MUC20: variants seen among roughly 807,000 people sequenced by gnomAD.
MUC20 encodes the protein mucin 20, cell surface associated, also known as mucin-20.
A neutral mutation model predicts 23.8 loss-of-function variants in MUC20; 14 were observed. That is an observed-to-expected ratio of 0.59 (90% confidence interval 0.39 to 0.92). The LOEUF (loss-of-function observed/expected upper bound fraction) is 0.92, where lower values mean the gene tolerates loss of function less well. MUC20 is among the 40% of genes least tolerant of loss of function. MUC20 has a pLI of 0.00. For missense variants in MUC20, 375 were observed against 668.8 expected, an observed-to-expected ratio of 0.56 and a Z score of 4.85; for synonymous variants, 166 against 279.3, an observed-to-expected ratio of 0.59 and a Z score of 4.04.
Position 195,724,154 on chromosome 3 carries a change from C to T in MUC20, c.77-526C>T, listed in dbSNP as rs1346559841. On this transcript the variant is annotated intron_variant, in intron 1 of 3. Transcript: ENST00000447234. Reference sequence around the variant, plus strand: ...TCTGCCGGCTCCCTCGCTTTGGCAGCAGCACTGCCCACCCTGTCTCTGGAG... The same window carrying T: ...TCTGCCGGCTCCCTCGCTTTGGCAGTAGCACTGCCCACCCTGTCTCTGGAG... 3 of 44,528 alleles carry T rather than the reference C, an allele frequency of 6.7e-5. 1 individual carries two copies. The highest frequency in any genetic ancestry group is 1.3e-4 in the Non-Finnish European group (3 of 23,016). 2.8% of individuals were successfully genotyped at this position (44,528 alleles called of 1,614,324 possible). A position where few individuals can be genotyped will look rare whatever the true frequency, so the allele number is the denominator to read the frequency against.
chr3:195,725,982 C>T lies in MUC20; in HGVS notation c.1379C>T (p.Ala460Val), dbSNP rs758995019. The T allele has an allele frequency of 5.0e-6, 8 of 1,613,854 alleles. No homozygotes were observed. Among genetic ancestry groups the T allele is most frequent in the Non-Finnish European group, 5.9e-6 (7 of 1,179,860 alleles). The change falls in exon 2 of 4, where the codon GCT becomes GTT. Residue 460 changes from alanine (A) to valine (V), a missense_variant. Coordinates refer to ENST00000447234, the MANE Select transcript of MUC20 (RefSeq NM_001282506.2). ...VKASSTSDPP[A>V]LPDSTEAKPH... ...GCCTCGTCCACCTCCGATCCACCAG[C>T]TCTGCCTGACTCCACTGAAGCAAAA... is the stretch of plus-strand genomic sequence containing the variant.
chr3:195,730,508 A>G (rs1414246683), intron 3 of MUC20, among the ~76,000 whole-genome samples: 11 of 149,620 alleles, frequency 7.4e-5, no homozygotes, highest in Middle Eastern at 3.5e-3. Flanking sequence ...ACCACGCCCA[A>G]CTAATTTTTA....
At chr3:195,722,149 T>G (rs28564900) in intron 1 of MUC20, 1 of 609,608 alleles carries the variant, frequency 1.6e-6, no homozygotes, top group African/African-American at 2.2e-5. Context: ...CCTACTTTGA[T>G]GCATCATTAT....
chr3:195,730,590 T>C (rs1006563048), intron 3 of MUC20, among the ~76,000 whole-genome samples: 5 of 152,148 alleles, frequency 3.3e-5, no homozygotes, highest in Non-Finnish European at 7.3e-5. Context: ...GACCTCGTGA[T>C]CCACCCGTCT....
At chr3:195,732,982 A>G (rs1380679307) in intron 3 of MUC20, among the ~76,000 whole-genome samples, 168 bp from the exon 4 acceptor site, 1 of 152,240 alleles carries the variant, frequency 6.6e-6, no homozygotes, top group African/African-American at 2.4e-5. Context: ...TGAGGTTTAG[A>G]TGACATAATG....
chr3:195,729,749 C>T lies in MUC20; in HGVS notation c.2061+10C>T, dbSNP rs1195091778. 1 of 1,586,514 alleles carries T rather than the reference C, an allele frequency of 6.3e-7. No individual in the cohort carries two copies. The highest frequency in any genetic ancestry group is 1.1e-5 in the South Asian group (1 of 87,018). On this transcript the variant is annotated intron_variant, in intron 3 of 3. Transcript: ENST00000447234. ...AAGGCTGATGCAGCAGGTGAGTGGG[C>T]ACTTTCCGGGCCAGGGGAGTAGAGG... is the stretch of plus-strand genomic sequence containing the variant.
intron 2 of MUC20, among the ~76,000 whole-genome samples, chr3:195,728,503 G>A (rs181158479): frequency 1.3e-5 from 2 of 152,388 alleles, no homozygotes; most frequent in East Asian, 3.9e-4. Flanking sequence ...CTGCAAACAT[G>A]TCTCACCTCC....
chr3:195,726,297 C>G lies in MUC20; in HGVS notation c.1694C>G (p.Ser565Cys). 6.2e-7 allele frequency: 1 copy of G among 1,614,084 alleles called. No homozygotes were observed. Among genetic ancestry groups the G allele is most frequent in the Non-Finnish European group, 8.5e-7 (1 of 1,179,908 alleles). ...GGGTCAGCAGTGGGCAAAACAACTT[C>G]CTTTGCTGGGAGCTCTGCTTCCTCC... ...EAGSAVGKTT[S>C]FAGSSASSYS... The change falls in exon 2 of 4, where the codon TCC (serine) becomes TGC (cysteine). Residue 565 changes from serine (S) to cysteine (C), a missense_variant. By Grantham distance (112) the Ser-to-Cys change is moderately radical. Transcript: ENST00000447234.
chr3:195,732,833 A>G (rs2148710420), intron 3 of MUC20, among the ~76,000 whole-genome samples: 1 of 152,374 alleles, frequency 6.6e-6, no homozygotes, highest in South Asian at 2.1e-4. Context: ...GGGCTCGGGG[A>G]TTAGACAATG....
chr3:195,729,786 T>C, intron 3 of MUC20, 47 bp downstream of exon 3: 1 of 1,533,676 alleles, frequency 6.5e-7, no homozygotes, highest in Middle Eastern at 1.7e-4. Context: ...AGGGGCGAGG[T>C]TCGCAGGGGC....
chr3:195,726,799 C>T (rs750723424), intron 2 of MUC20, among the ~76,000 whole-genome samples: 142 of 152,232 alleles, frequency 9.3e-4, no homozygotes, highest in Non-Finnish European at 1.5e-3. Flanking sequence ...AAATGGTTTG[C>T]GGTCTCGGCT....
intron 3 of MUC20, 82 bp downstream of exon 3, chr3:195,729,821 G>A: frequency 1.5e-6 from 2 of 1,331,094 alleles, no homozygotes; most frequent in Non-Finnish European, 2.1e-6. Flanking sequence ...GCAGGACACA[G>A]AAGAGCAGCT....
chr3:195,723,607 T>C (rs1712367559), intron 1 of MUC20, among the ~76,000 whole-genome samples: 2 of 102,450 alleles, frequency 2.0e-5, no homozygotes, highest in Admixed American at 9.0e-5. Context: ...ATTCGTCGTT[T>C]ATCTGAAATG....
chr3:195,721,712 T>TAAGAGC (rs1553838545), intron 1 of MUC20: 1 of 151,292 alleles, frequency 6.6e-6, no homozygotes, highest in Admixed American at 6.6e-5. Context: ...ATTTTTTTTT[T>TAAGAGC]AGTTCTATGC....
chr3:195,733,064 G>A, intron 3 of MUC20, 86 bp from the exon 4 acceptor site: 2 of 1,425,570 alleles, frequency 1.4e-6, no homozygotes, highest in Non-Finnish European at 1.9e-6. Context: ...CATGCACTCT[G>A]CCCCAGTGTC....
chr3:195,727,522 C>T (rs1254734934), intron 2 of MUC20, among the ~76,000 whole-genome samples: 2 of 152,284 alleles, frequency 1.3e-5, no homozygotes, highest in African/African-American at 2.4e-5. Flanking sequence ...GTAGCCTCCA[C>T]CTCCACTTCC....
intron 2 of MUC20, among the ~76,000 whole-genome samples, chr3:195,728,817 C>T (rs1467796208): frequency 6.6e-6 from 1 of 152,126 alleles, no homozygotes; most frequent in African/African-American, 2.4e-5. Context: ...TGCATTGTGC[C>T]CCTGGTTTAT....
chr3:195,726,508 G>C lies in MUC20; in HGVS notation c.1905G>C (p.Thr635=). 2.5e-6 allele frequency: 4 copies of C among 1,614,010 alleles called. No individual in the cohort carries two copies. The highest frequency in any genetic ancestry group is 2.2e-5 in the South Asian group (2 of 91,024). ...AGATCACAACCTCAGCGAAGACCACGATGAAGCCCCCAACAGCCACGCCCA... is the reference window on the plus strand; with the variant it reads ...AGATCACAACCTCAGCGAAGACCACCATGAAGCCCCCAACAGCCACGCCCA... ...LAKITTSAKT[T]MKPPTATPTT... Residue 635 remains threonine, a synonymous_variant, in exon 2 of 4, where the codon ACG becomes ACC. Transcript: ENST00000447234.
At chr3:195,726,856 C>T (rs1462305696) in intron 2 of MUC20, among the ~76,000 whole-genome samples, 1 of 152,286 alleles carries the variant, frequency 6.6e-6, no homozygotes, top group Non-Finnish European at 1.5e-5. Flanking sequence ...CTGTCCCTCT[C>T]TGGGCCTCAG....
Sources: gnomAD v4.1 joint callset for allele counts (sites outside exome capture counted in the v4.1 genomes callset) on GRCh38, gnomAD v4.1.1 for gene constraint, MANE v1.5 for transcripts, NCBI Gene and HGNC (gene_info 2026-07-23, HGNC 2026-07-21) for gene names.